SLC4A1: variants seen among roughly 807,000 people sequenced by gnomAD.
SLC4A1 encodes the protein band 3 anion transport protein.
Under a neutral mutation model 93.1 loss-of-function variants are expected in SLC4A1, and 29 were observed. That is an observed-to-expected ratio of 0.31 (90% confidence interval 0.23 to 0.42). SLC4A1 has a LOEUF of 0.42. SLC4A1 is among the 20% of genes least tolerant of loss of function. The probability of loss-of-function intolerance (pLI) is 1.00; values close to 1 mark genes in which losing one functional copy is unlikely to be tolerated. For missense variants in SLC4A1, 965 were observed against 1,190.1 expected (o/e 0.81, Z 2.78); for synonymous variants, 469 against 497.2 (o/e 0.94, Z 0.76).
rs746406399 is a variant in SLC4A1, at chr17:44,259,213, T to C, written c.826A>G (p.Ile276Val). 121 of 1,613,896 alleles carry C rather than the reference T, an allele frequency of 7.5e-5. No homozygotes were observed. Among genetic ancestry groups the C allele is most frequent in the Non-Finnish European group, 1.0e-4 (118 of 1,180,030 alleles). The part of the protein sequence containing the change: ...FVLLGPEAPH[I>V]DYTQLGRAAA... ...GCCCGGCCAAGCTGGGTGTAATCGA[T>C]GTGGGGGGCCTCAGGTCCCAGCAAC... is the stretch of plus-strand genomic sequence containing the variant. Residue 276 changes from isoleucine (I) to valine (V), a missense_variant, in exon 9 of 20, where the codon ATC (isoleucine) becomes GTC (valine). By Grantham distance (29) the Ile-to-Val change is conservative. This residue lies in a region of SLC4A1 where 770 missense variants were observed against 1,006.6 expected (regional missense o/e 0.76). Transcript: ENST00000262418.
rs1255779922 is a variant in SLC4A1, at chr17:44,260,819, TG to T, written c.169-5del. On this transcript the variant is annotated splice_polypyrimidine_tract_variant and splice_region_variant and intron_variant, in intron 4 of 19. Coordinates refer to ENST00000262418, the MANE Select transcript of SLC4A1 (RefSeq NM_000342.4). ...GCTCCTGCAGCTCCACATAGACCTG[TG>T]GCCCCATGCGCCTGAGTTAGTTCAT... The T allele has an allele frequency of 1.2e-6, 2 of 1,610,982 alleles. No homozygotes were observed. Among genetic ancestry groups the T allele is most frequent in the Admixed American group, 3.3e-5 (2 of 60,028 alleles).
At position 44,251,730 on chromosome 17, in the gene SLC4A1, T is replaced by TTG. The variant is rs1555594867; in HGVS notation, c.2312-143_2312-142insCA. The TTG allele has an allele frequency of 1.2e-4, 82 of 658,982 alleles. 1 individual carries two copies. Among genetic ancestry groups the TTG allele is most frequent in the Non-Finnish European group, 1.7e-4 (67 of 403,474 alleles). The allele number at this position is 658,982 out of a possible 1,614,324, so 40.8% of individuals were successfully genotyped here. On this transcript the variant is annotated intron_variant, in intron 17 of 19. Transcript: ENST00000262418. ...TTTTCCTTTTCTTTTCTTTTTTTTT[T>TTG]TTTTTTTTTGTTTTTTTTTTTGAGA...
chr17:44,255,029 CA>C (rs1175348888), intron 15 of SLC4A1, among the ~76,000 whole-genome samples, 177 bp downstream of exon 15: 1 of 152,092 alleles, frequency 6.6e-6, no homozygotes, highest in African/African-American at 2.4e-5. Context: ...GCTTTGGCCA[CA>C]GGGGTCCTCT....
intron 1 of SLC4A1, among the ~76,000 whole-genome samples, chr17:44,267,505 C>A (rs945876861): frequency 1.3e-5 from 2 of 152,234 alleles, no homozygotes; most frequent in Non-Finnish European, 2.9e-5. Context: ...CTCTGATTTG[C>A]CCTCAGTTCC....
intron 1 of SLC4A1, among the ~76,000 whole-genome samples, chr17:44,265,810 A>G (rs1236539674): frequency 2.6e-5 from 4 of 152,020 alleles, no homozygotes; most frequent in Non-Finnish European, 5.9e-5. Flanking sequence ...GTGAAACCCC[A>G]TCTCTACTGA....
chr17:44,257,601 G>C, intron 12 of SLC4A1, 57 bp from the exon 13 acceptor site: 1 of 1,611,324 alleles, frequency 6.2e-7, no homozygotes, highest in Non-Finnish European at 8.5e-7. Context: ...AAGGCACCAT[G>C]CATCAGGCAG....
rs1235151548 is a variant in SLC4A1, at chr17:44,255,809, T to C, written c.1664A>G (p.Tyr555Cys). The part of the protein sequence containing the change: ...QDHPLQKTYN[Y>C]NVLMVPKPQG... Reference sequence around the variant, plus strand: ...AGGTTTGGGCACCATCAACACGTTGTAGTTATAAGTCTTCTGTAGTGGGTG... The same window carrying C: ...AGGTTTGGGCACCATCAACACGTTGCAGTTATAAGTCTTCTGTAGTGGGTG... Residue 555 changes from tyrosine (Y) to cysteine (C), a missense_variant, in exon 14 of 20, where the codon TAC becomes TGC. Around this residue, in one of 2 missense-constraint regions of SLC4A1, gnomAD observed 770 missense variants for 1,006.6 expected, o/e 0.76. Coordinates refer to ENST00000262418, the MANE Select transcript of SLC4A1 (RefSeq NM_000342.4). The C allele has an allele frequency of 1.2e-6, 2 of 1,614,168 alleles. No homozygotes were observed. Among genetic ancestry groups the C allele is most frequent in the Non-Finnish European group, 1.7e-6 (2 of 1,180,030 alleles).
At chr17:44,252,018 A>C (rs1598295979) in intron 17 of SLC4A1, among the ~76,000 whole-genome samples, 1 of 136,816 alleles carries the variant, frequency 7.3e-6, no homozygotes. Flanking sequence ...TTGAGATCCC[A>C]CGCCTGGCCT....
Position 44,259,582 on chromosome 17 carries a change from CT to C in SLC4A1, c.610-2del. 1 of 1,612,826 alleles carries C rather than the reference CT, an allele frequency of 6.2e-7. No homozygotes were observed. The highest frequency in any genetic ancestry group is 8.5e-7 in the Non-Finnish European group (1 of 1,178,872). On this transcript the variant is annotated splice_acceptor_variant, in intron 7 of 19. Transcript: ENST00000262418. LOFTEE classifies it high-confidence loss of function. The stretch of plus-strand genomic sequence containing the variant: ...AGTGCCCTTCTGTGCCCCCATCTCC[CT>C]GTGGGAAGGAGGGTGGTGACGGGAG...
chr17:44,264,090 A>G (rs1196766473), intron 1 of SLC4A1, among the ~76,000 whole-genome samples: 1 of 151,876 alleles, frequency 6.6e-6, no homozygotes, highest in African/African-American at 2.4e-5. Flanking sequence ...TCAGTCTCAA[A>G]CTCCTAGACT....
At position 44,250,509 on chromosome 17, in the gene SLC4A1, A is replaced by G. The variant is rs759602032; in HGVS notation, c.2685T>C (p.Phe895=). The G allele has an allele frequency of 1.2e-6, 2 of 1,613,856 alleles. No homozygotes were observed. Among genetic ancestry groups the G allele is most frequent in the South Asian group, 2.2e-5 (2 of 91,080 alleles). ...ATTCATCCCGACCTTCCTCCTCATC[A>G]AAGGTTGCCTTGGCATCATCAGCAT... is the stretch of plus-strand genomic sequence containing the variant. The part of the protein sequence containing the change: ...CLDADDAKAT[F]DEEEGRDEYD... Residue 895 remains phenylalanine (F), a synonymous_variant, in exon 20 of 20, where the codon TTT becomes TTC. Transcript: ENST00000262418.
intron 3 of SLC4A1, among the ~76,000 whole-genome samples, chr17:44,262,390 A>G (rs1465826136): frequency 6.6e-6 from 1 of 152,200 alleles, no homozygotes; most frequent in East Asian, 1.9e-4. Context: ...CCTTGTCCCA[A>G]ACTGGCTGCC....
chr17:44,261,652 C>T lies in SLC4A1; in HGVS notation c.107-16G>A, dbSNP rs769664982. 24 of 1,613,972 alleles carry T rather than the reference C, an allele frequency of 1.5e-5. 1 individual carries two copies. Among genetic ancestry groups the T allele is most frequent in the Admixed American group, 1.0e-4 (6 of 59,994 alleles). On this transcript the variant is annotated splice_polypyrimidine_tract_variant and intron_variant, in intron 3 of 19. Transcript: ENST00000262418. ...GTGTCGTGAGCTGAAAACCAGAGGTCGGTTAGTATTGACCTGACCGTCCCC... is the reference window on the plus strand; with the variant it reads ...GTGTCGTGAGCTGAAAACCAGAGGTTGGTTAGTATTGACCTGACCGTCCCC...
chr17:44,259,072 T>C (rs2047416384), intron 9 of SLC4A1, 91 bp downstream of exon 9: 8 of 1,377,242 alleles, frequency 5.8e-6, no homozygotes, highest in Non-Finnish European at 8.2e-6. Context: ...CCAGTGAACC[T>C]AAAGTAACCC....
chr17:44,263,610 G>GC (rs932669427), intron 1 of SLC4A1, among the ~76,000 whole-genome samples: 8 of 151,774 alleles, frequency 5.3e-5, no homozygotes, highest in Admixed American at 4.6e-4. Flanking sequence ...TCACATCTCG[G>GC]CCCAAATGTC....
intron 17 of SLC4A1, among the ~76,000 whole-genome samples, chr17:44,251,900 ATT>A (rs113097171): frequency 5.2e-5 from 7 of 135,182 alleles, no homozygotes; most frequent in African/African-American, 1.1e-4. Context: ...CACCTGGATC[ATT>A]TTTTTTTTTT....
Position 44,253,403 on chromosome 17 carries a change from G to T in SLC4A1, c.2058-32C>A, listed in dbSNP as rs754183172. 1.1e-5 allele frequency: 17 copies of T among 1,595,882 alleles called. No homozygotes were observed. The East Asian group carries it at 3.8e-4, about 36-fold the overall frequency. ...TAGGGGAAGGTGAGGGGTAAGCAGG[G>T]TTCTCCCCTGCCTCCTCCACCCCCT... is the stretch of plus-strand genomic sequence containing the variant. On this transcript the variant is annotated intron_variant, in intron 16 of 19. Transcript: ENST00000262418.
chr17:44,261,778 C>A, intron 3 of SLC4A1, 142 bp from the exon 4 acceptor site: 1 of 1,454,954 alleles, frequency 6.9e-7, no homozygotes, highest in South Asian at 1.2e-5. Flanking sequence ...GGTGCCGCAT[C>A]CCACACTGGC....
At chr17:44,263,707 C>CCTTCCTTCCTTCCT (rs2047468377) in intron 1 of SLC4A1, among the ~76,000 whole-genome samples, 1 of 140,300 alleles carries the variant, frequency 7.1e-6, no homozygotes, top group African/African-American at 2.8e-5. Flanking sequence ...CCTCCCTTCC[C>CCTTCCTTCCTTCCT]TCCTTCCTTC....
Sources: allele counts gnomAD v4.1 joint callset (sites outside exome capture counted in the v4.1 genomes callset), GRCh38; gene constraint gnomAD v4.1.1; regional missense constraint gnomAD v4.1.1; transcripts MANE v1.5; gene names NCBI Gene and HGNC (gene_info 2026-07-23, HGNC 2026-07-21).